The following FYB1 variants were observed in gnomAD, a reference collection of about 807,000 sequenced individuals.
The protein encoded by FYB1 is FYN-binding protein 1.
FYB1 carries 41 observed loss-of-function variants against 94.1 expected under a neutral mutation model. The observed-to-expected ratio is 0.44, with a 90% CI of 0.34 to 0.57. FYB1 has a LOEUF of 0.57. FYB1 is among the 20% of genes least tolerant of loss of function. The pLI is 0.02. For missense variants in FYB1, 1,050 were observed against 976.8 expected (o/e 1.07, Z -1.00); for synonymous variants, 367 against 353.2 (o/e 1.04, Z -0.44).
At chr5:39,250,542 C>T (rs1249022829) in intron 1 of FYB1, 1 of 152,192 alleles carries the variant, frequency 6.6e-6, no homozygotes, top group Non-Finnish European at 1.5e-5. Flanking sequence ...TCTGGAACCT[C>T]CTTTTTTGAG....
intron 2 of FYB1, among the ~76,000 whole-genome samples, chr5:39,180,761 C>A (rs965014733): frequency 3.3e-5 from 5 of 152,102 alleles, no homozygotes; most frequent in Admixed American, 2.6e-4. Flanking sequence ...GAGAGGAGGC[C>A]ATCTACTTTC....
chr5:39,196,846 C>T (rs1180385953), intron 2 of FYB1, among the ~76,000 whole-genome samples: 1 of 152,214 alleles, frequency 6.6e-6, no homozygotes, highest in Non-Finnish European at 1.5e-5. Flanking sequence ...CATGTTATGC[C>T]TTTGGGCAAG....
At chr5:39,151,992 C>T (rs1743291568) in intron 3 of FYB1, among the ~76,000 whole-genome samples, 1 of 152,178 alleles carries the variant, frequency 6.6e-6, no homozygotes, top group Non-Finnish European at 1.5e-5. Context: ...CTAGCTTCCC[C>T]TTCTTGGGGA....
chr5:39,163,696 G>C (rs905151319), intron 2 of FYB1, among the ~76,000 whole-genome samples: 1 of 152,128 alleles, frequency 6.6e-6, no homozygotes, highest in African/African-American at 2.4e-5. Flanking sequence ...ACAGGATATT[G>C]CTGACTTTTG....
At chr5:39,249,050 C>T (rs1311860886) in intron 1 of FYB1, among the ~76,000 whole-genome samples, 1 of 152,184 alleles carries the variant, frequency 6.6e-6, no homozygotes, top group Admixed American at 6.5e-5. Context: ...TGAAATGTGG[C>T]CAGTGGTTAT....
intron 9 of FYB1, among the ~76,000 whole-genome samples, chr5:39,133,374 TGAG>T (rs1414583291): frequency 1.3e-5 from 2 of 152,028 alleles, no homozygotes; most frequent in African/African-American, 4.8e-5. Context: ...CCTTTCAACT[TGAG>T]GGGATTATGG....
intron 8 of FYB1, 88 bp downstream of exon 8, chr5:39,134,767 T>C (rs1210467992): frequency 1.4e-6 from 2 of 1,389,744 alleles, no homozygotes; most frequent in South Asian, 1.3e-5. Flanking sequence ...CCTAACTCGA[T>C]GCCTATGACG....
intron 1 of FYB1, among the ~76,000 whole-genome samples, chr5:39,216,156 A>G (rs754521074): frequency 6.6e-6 from 1 of 152,142 alleles, no homozygotes; most frequent in Non-Finnish European, 1.5e-5. Context: ...GAGGGAGAAT[A>G]GATTTCTGTT....
intron 3 of FYB1, 26 bp downstream of exon 3, chr5:39,153,421 GA>G (rs747801817): frequency 1.9e-6 from 3 of 1,610,870 alleles, no homozygotes; most frequent in Non-Finnish European, 2.5e-6. Flanking sequence ...GACTAGGAAA[GA>G]AATCGCAAGA....
intron 2 of FYB1, among the ~76,000 whole-genome samples, chr5:39,180,005 G>A (rs946604877): frequency 6.6e-6 from 1 of 151,902 alleles, no homozygotes; most frequent in Non-Finnish European, 1.5e-5. Context: ...TCCTTACCTT[G>A]GCACTTAACA....
intron 2 of FYB1, among the ~76,000 whole-genome samples, chr5:39,198,160 T>C (rs1344169987): frequency 6.6e-6 from 1 of 152,218 alleles, no homozygotes; most frequent in South Asian, 2.1e-4. Flanking sequence ...GTGATTATAA[T>C]GTGCTGGCGA....
At chr5:39,197,399 C>T (rs1026977064) in intron 2 of FYB1, among the ~76,000 whole-genome samples, 1 of 152,058 alleles carries the variant, frequency 6.6e-6, no homozygotes, top group African/African-American at 2.4e-5. Flanking sequence ...AAAATTCATG[C>T]CTAGTCAGGT....
intron 2 of FYB1, among the ~76,000 whole-genome samples, chr5:39,198,285 T>C (rs2150483528): frequency 6.6e-6 from 1 of 152,326 alleles, no homozygotes; most frequent in East Asian, 1.9e-4. Flanking sequence ...GTCCACTGAC[T>C]TTGAAGTCTA....
intron 1 of FYB1, among the ~76,000 whole-genome samples, chr5:39,217,263 G>A (rs1051883290): frequency 1.3e-5 from 2 of 152,212 alleles, no homozygotes; most frequent in Non-Finnish European, 2.9e-5. Flanking sequence ...ACAAGGTTTA[G>A]AACACAACGT....
intron 7 of FYB1, among the ~76,000 whole-genome samples, chr5:39,136,909 T>C (rs1391522535): frequency 6.6e-6 from 1 of 152,192 alleles, no homozygotes; most frequent in Non-Finnish European, 1.5e-5. Flanking sequence ...ACCCTAAATA[T>C]GTCTGACATG....
chr5:39,142,400 C>A (rs1475767892), intron 3 of FYB1, among the ~76,000 whole-genome samples: 9 of 152,150 alleles, frequency 5.9e-5, no homozygotes, highest in Non-Finnish European at 2.9e-5. Flanking sequence ...AACTCATCTG[C>A]AGTTATACTC....
At position 39,153,618 on chromosome 5, in the gene FYB1, C is replaced by T. The variant is rs767691535; in HGVS notation, c.1136-14G>A. On this transcript the variant is annotated splice_polypyrimidine_tract_variant and intron_variant, in intron 2 of 18. Transcript: ENST00000512982. The stretch of plus-strand genomic sequence containing the variant: ...CTTTGCTAGTACCTAAGAAGCAAAG[C>T]AAACAATACCATGAATTAAGACAAA... 3.1e-6 allele frequency: 5 copies of T among 1,587,966 alleles called. No individual in the cohort carries two copies. Among genetic ancestry groups the T allele is most frequent in the South Asian group, 2.3e-5 (2 of 87,856 alleles).
chr5:39,138,584 C>A (rs2150325616), intron 6 of FYB1, 73 bp downstream of exon 6: 3 of 826,142 alleles, frequency 3.6e-6, no homozygotes, highest in Admixed American at 2.6e-5. Flanking sequence ...TTGTTATATA[C>A]CCACTCTCCC....
At position 39,202,717 on chromosome 5, in the gene FYB1, A is replaced by G. The variant is rs749117291; in HGVS notation, c.244T>C (p.Phe82Leu). The G allele has an allele frequency of 6.2e-7, 1 of 1,613,712 alleles. No individual in the cohort carries two copies. The highest frequency in any genetic ancestry group is 8.5e-7 in the Non-Finnish European group (1 of 1,179,808). The change falls in exon 2 of 19, where the codon TTT becomes CTT. Residue 82 changes from phenylalanine (F) to leucine (L), a missense_variant. Phe to Leu is a conservative substitution (Grantham distance 22). Transcript: ENST00000512982. ...TGGCCTGCTCCAGTGGGCTTTAGAA[A>G]CGGGGGCTTGGGTTCCTTGTCAGGC... ...EKPDKEPKPP[F>L]LKPTGAGQRF...
Sources: allele counts gnomAD v4.1 joint callset (sites outside exome capture counted in the v4.1 genomes callset), GRCh38; gene constraint gnomAD v4.1.1; transcripts MANE v1.5; gene names NCBI Gene and HGNC (gene_info 2026-07-23, HGNC 2026-07-21).